DNAH10: variants seen among roughly 807,000 people sequenced by gnomAD.
The protein encoded by DNAH10 is axonemal beta dynein heavy chain 10.
Under a neutral mutation model 506.6 loss-of-function variants are expected in DNAH10, and 348 were observed. The observed-to-expected ratio is 0.69, with a 90% confidence interval of 0.63 to 0.75. DNAH10 has a LOEUF of 0.75. DNAH10 is among the 30% of genes least tolerant of loss of function. The probability of loss-of-function intolerance (pLI) is 0.00; values close to 1 mark genes in which losing one functional copy is unlikely to be tolerated. For synonymous variants in DNAH10, 2,059 were observed against 2,198.6 expected (o/e 0.94, Z 1.78); for missense variants, 5,179 against 5,787.1 (o/e 0.89, Z 3.41).
intron 36 of DNAH10, among the ~76,000 whole-genome samples, chr12:123,856,695 A>G (rs1247127665): frequency 6.7e-6 from 1 of 148,572 alleles, no homozygotes; most frequent in African/African-American, 2.4e-5. Context: ...TATATATTTT[A>G]TATTTTATGT....
chr12:123,914,873 C>G lies in DNAH10; in HGVS notation c.10596C>G (p.Pro3532=), dbSNP rs1954396710. The change falls in exon 62 of 79, where the codon CCC becomes CCG. Residue 3532 remains proline (P), a synonymous_variant. Coordinates refer to ENST00000673944, the MANE Select transcript of DNAH10 (RefSeq NM_001372106.1). ...EISRWGSQGL[P]PDELSVQNGI... ...CCAGATGGGGATCCCAGGGCCTTCC[C>G]CCCGATGAGCTCTCCGTTCAGAATG... 1 of 1,613,598 alleles carries G rather than the reference C, an allele frequency of 6.2e-7. No individual in the cohort carries two copies. The highest frequency in any genetic ancestry group is 1.1e-5 in the South Asian group (1 of 91,022).
At chr12:123,906,344 C>G in intron 57 of DNAH10, among the ~76,000 whole-genome samples, 1 of 152,080 alleles carries the variant, frequency 6.6e-6, no homozygotes. Context: ...CAGGTTCAAA[C>G]GATTCTCCTG....
intron 28 of DNAH10, 142 bp downstream of exon 28, chr12:123,835,670 G>A (rs750531306): frequency 7.1e-6 from 9 of 1,272,390 alleles, no homozygotes; most frequent in Non-Finnish European, 8.5e-6. Flanking sequence ...TGTTGCCCAG[G>A]CTGGAGTGCA....
intron 45 of DNAH10, among the ~76,000 whole-genome samples, chr12:123,873,020 C>T (rs1158903707): frequency 2.6e-5 from 4 of 152,230 alleles, no homozygotes; most frequent in Non-Finnish European, 5.9e-5. Flanking sequence ...GGGCTTCCCT[C>T]ACCCTTCCTG....
Position 123,801,264 on chromosome 12 carries a change from A to AT in DNAH10, c.2463-15dup, listed in dbSNP as rs1264595449. The AT allele has an allele frequency of 1.2e-6, 2 of 1,611,838 alleles. No individual in the cohort carries two copies. Among genetic ancestry groups the AT allele is most frequent in the Admixed American group, 1.7e-5 (1 of 59,610 alleles). On this transcript the variant is annotated splice_polypyrimidine_tract_variant and intron_variant, in intron 15 of 78. Coordinates refer to ENST00000673944, the MANE Select transcript of DNAH10 (RefSeq NM_001372106.1). ...AAGGTGCTCTCCTCAGGTTTATGACATTCCTGTCATGTGCAGGTACACAGC... is the reference window on the plus strand; with the variant it reads ...AAGGTGCTCTCCTCAGGTTTATGACATTTCCTGTCATGTGCAGGTACACAGC...
intron 26 of DNAH10, among the ~76,000 whole-genome samples, chr12:123,831,507 T>C (rs1253359821): frequency 2.0e-5 from 3 of 152,212 alleles, no homozygotes; most frequent in Non-Finnish European, 4.4e-5. Flanking sequence ...TAGAATCTAT[T>C]GCTCTAGACT....
chr12:123,819,912 C>G (rs1353003248), intron 23 of DNAH10, among the ~76,000 whole-genome samples: 1 of 151,808 alleles, frequency 6.6e-6, no homozygotes, highest in Non-Finnish European at 1.5e-5. Context: ...ACCATGTTGG[C>G]CAGGCTGGTC....
chr12:123,767,249 AATTTACATCTTAACC>A (rs1957082824), intron 1 of DNAH10, among the ~76,000 whole-genome samples: 1 of 152,142 alleles, frequency 6.6e-6, no homozygotes, highest in Non-Finnish European at 1.5e-5. Context: ...CACGGCCTGC[AATTTACATCTTAACC>A]ATTTTGAAAT....
At chr12:123,780,149 TTCTCTCTC>T (rs59003958) in intron 5 of DNAH10, among the ~76,000 whole-genome samples, 18 of 133,340 alleles carry the variant, frequency 1.3e-4, no homozygotes, top group South Asian at 1.1e-3. Flanking sequence ...CCTCCCTCCT[TTCTCTCTC>T]TCTCTCTCTC....
rs769928304 is a variant in DNAH10 at position 123,909,341 on chromosome 12, G to A, written c.9896G>A (p.Trp3299Ter). The A allele has an allele frequency of 1.9e-6, 3 of 1,613,004 alleles. No homozygotes were observed. The African/African-American group carries it at 4.0e-5, about 22-fold the overall frequency. The part of the protein sequence containing the change: ...LIMKGYKELN[W>*]KTAKGVMSDP... The stretch of plus-strand genomic sequence containing the variant: ...ATGAAAGGGTACAAAGAGCTGAACT[G>A]GAAAACAGCCAAGGGCGTGATGTCC... The change falls in exon 58 of 79, where the codon TGG becomes TAG. Residue 3299 changes from tryptophan to a stop codon, truncating the protein, a stop_gained. Transcript: ENST00000673944. LOFTEE classifies it high-confidence loss of function. The surrounding 1 kb of genome is among the most constrained non-coding windows in gnomAD (Gnocchi z 5.4).
intron 65 of DNAH10, among the ~76,000 whole-genome samples, chr12:123,921,130 G>A (rs568941713): frequency 2.6e-5 from 4 of 152,194 alleles, no homozygotes; most frequent in African/African-American, 4.8e-5. Context: ...GTTTCCCGTC[G>A]TCTGAATTTT....
rs1265912986 is a variant in DNAH10, at chr12:123,800,293, A to G, written c.2367A>G (p.Arg789=). 1 of 1,614,162 alleles carries G rather than the reference A, an allele frequency of 6.2e-7. No homozygotes were observed. Among genetic ancestry groups the G allele is most frequent in the Non-Finnish European group, 8.5e-7 (1 of 1,180,024 alleles). The change falls in exon 15 of 79, where the codon AGA becomes AGG. Residue 789 remains arginine, a synonymous_variant. Coordinates refer to ENST00000673944, the MANE Select transcript of DNAH10 (RefSeq NM_001372106.1). ...VFAINFSPAL[R]EIINETKYLE... ...CAATCAACTTTTCACCGGCTCTCAG[A>G]GAGATTATTAATGAAACAAAGTACT... is the stretch of plus-strand genomic sequence containing the variant.
chr12:123,767,852 C>T (rs549839482), intron 2 of DNAH10, among the ~76,000 whole-genome samples, 163 bp downstream of exon 2: 29 of 152,254 alleles, frequency 1.9e-4, no homozygotes, highest in African/African-American at 6.3e-4. Flanking sequence ...TAGTTTCCCA[C>T]GGCTGCTGTC....
chr12:123,830,509 A>G (rs1326320685), intron 25 of DNAH10, 37 bp from the exon 26 acceptor site: 5 of 1,582,540 alleles, frequency 3.2e-6, no homozygotes, highest in Non-Finnish European at 4.3e-6. Context: ...CACTAAATTC[A>G]GTAAGCATAA....
chr12:123,929,441 T>C lies in DNAH10; in HGVS notation c.12473T>C (p.Ile4158Thr), dbSNP rs557511121. Residue 4158 changes from isoleucine to threonine, a missense_variant, in exon 71 of 79, where the codon ATT (isoleucine) becomes ACT (threonine). Physicochemically the swap from Ile to Thr is moderately conservative, Grantham distance 89. Coordinates refer to ENST00000673944, the MANE Select transcript of DNAH10 (RefSeq NM_001372106.1). ...VVQERRKFGK[I>T]GWNVYYDFNE... Reference sequence around the variant, plus strand: ...CAGGAGAGAAGGAAGTTTGGGAAGATTGGCTGGAACGTGTACTATGACTTC... The same window carrying C: ...CAGGAGAGAAGGAAGTTTGGGAAGACTGGCTGGAACGTGTACTATGACTTC... The C allele has an allele frequency of 1.3e-5, 21 of 1,613,754 alleles. No homozygotes were observed. Among genetic ancestry groups the C allele is most frequent in the Admixed American group, 1.0e-4 (6 of 59,976 alleles).
At chr12:123,837,098 A>G (rs945167837) in intron 28 of DNAH10, among the ~76,000 whole-genome samples, 17 of 145,454 alleles carry the variant, frequency 1.2e-4, no homozygotes, top group Non-Finnish European at 1.5e-4. Flanking sequence ...TGATCTGCCC[A>G]CCTTGGCCTC....
In DNAH10 at chr12:123,933,419, G is replaced by A. The variant is rs765072673; in HGVS notation, c.13385G>A (p.Arg4462Gln). The change falls in exon 77 of 79, where the codon CGG (arginine) becomes CAG (glutamine). Residue 4462 changes from arginine (R) to glutamine (Q), a missense_variant. Arg to Gln is a conservative substitution (Grantham distance 43). Transcript: ENST00000673944. ...YLTALVQATCRKNGWPLDRST... is the reference protein window; with the variant it reads ...YLTALVQATCQKNGWPLDRST... The stretch of plus-strand genomic sequence containing the variant: ...ACGGCGCTGGTGCAGGCCACCTGCC[G>A]GAAGAACGGCTGGCCACTGGACCGC... The A allele has an allele frequency of 7.8e-5, 125 of 1,612,312 alleles. No individual in the cohort carries two copies. Among genetic ancestry groups the A allele is most frequent in the South Asian group, 2.6e-4 (24 of 90,990 alleles).
At chr12:123,894,382 G>T (rs1292284681) in intron 53 of DNAH10, among the ~76,000 whole-genome samples, 1 of 152,002 alleles carries the variant, frequency 6.6e-6, no homozygotes, top group Non-Finnish European at 1.5e-5. Flanking sequence ...TCAGCCTCCT[G>T]AGTAGCTGGG....
chr12:123,809,752 C>T (rs893640584), intron 19 of DNAH10, among the ~76,000 whole-genome samples: 1 of 152,176 alleles, frequency 6.6e-6, no homozygotes. Context: ...GGAACATAAT[C>T]CAGATATCTT....
Sources: allele counts gnomAD v4.1 joint callset (sites outside exome capture counted in the v4.1 genomes callset), GRCh38; gene constraint gnomAD v4.1.1; non-coding constraint Gnocchi (gnomAD v3.1); transcripts MANE v1.5; gene names NCBI Gene and HGNC (gene_info 2026-07-23, HGNC 2026-07-21).